The following SPAG16 variants were observed in gnomAD, a reference collection of about 807,000 sequenced individuals.
The protein encoded by SPAG16 is sperm-associated antigen 16 protein.
SPAG16 carries 86 observed loss-of-function variants against 80.4 expected under a neutral mutation model. The ratio of observed to expected loss-of-function variants is 1.07; its 90% CI spans 0.90 to 1.28. The LOEUF is 1.28. Ranked by LOEUF, SPAG16 falls within the 50% of genes most tolerant of loss-of-function variation. SPAG16 has a pLI of 0.00. For synonymous variants in SPAG16, 294 were observed against 265.9 expected, an observed-to-expected ratio of 1.11 and a Z score of -1.03; for missense variants, 870 against 765.3, an observed-to-expected ratio of 1.14 and a Z score of -1.61.
At chr2:213,618,768 CA>C (rs1428704633) in intron 10 of SPAG16, among the ~76,000 whole-genome samples, 14 of 151,362 alleles carry the variant, frequency 9.2e-5, no homozygotes, top group African/African-American at 3.4e-4. Context: ...GGAAAAGTCA[CA>C]AGGTGGATTA....
chr2:214,356,871 C>A (rs948684047), intron 15 of SPAG16, among the ~76,000 whole-genome samples: 2 of 151,858 alleles, frequency 1.3e-5, no homozygotes, highest in African/African-American at 4.8e-5. Context: ...AAGTTTTCTT[C>A]TTCTATCTCA....
chr2:214,389,913 A>C (rs1006659788), intron 15 of SPAG16, among the ~76,000 whole-genome samples: 1 of 152,156 alleles, frequency 6.6e-6, no homozygotes, highest in Non-Finnish European at 1.5e-5. Context: ...CCTATGTAAA[A>C]CGTTGAAGTG....
At chr2:213,662,765 A>G (rs1441944313) in intron 10 of SPAG16, among the ~76,000 whole-genome samples, 1 of 152,132 alleles carries the variant, frequency 6.6e-6, no homozygotes, top group East Asian at 1.9e-4. Flanking sequence ...AGTTAACAAA[A>G]TATAATAAAT....
chr2:214,026,975 A>T (rs1292677526), intron 13 of SPAG16, among the ~76,000 whole-genome samples: 2 of 151,524 alleles, frequency 1.3e-5, no homozygotes, highest in African/African-American at 4.8e-5. Flanking sequence ...AATCTTGTAT[A>T]TCTTTTGACT....
At chr2:213,459,075 T>C (rs2072207997) in intron 9 of SPAG16, among the ~76,000 whole-genome samples, 1 of 152,178 alleles carries the variant, frequency 6.6e-6, no homozygotes, top group Non-Finnish European at 1.5e-5. Flanking sequence ...CTCCCCTTTT[T>C]TTACTTTGTA....
In SPAG16 at chr2:214,390,340, T is replaced by A. The variant is rs1204548029; in HGVS notation, c.1721-19800T>A. On this transcript the variant is annotated intron_variant, in intron 15 of 15. Transcript: ENST00000331683. Reference sequence around the variant, plus strand: ...TAAATGAATGGGTATGCTTTTTTTTTTAAAAAAAAAAAAAAAAAAGTCCTT... The same window carrying A: ...TAAATGAATGGGTATGCTTTTTTTTATAAAAAAAAAAAAAAAAAAGTCCTT... Among the ~76,000 whole-genome samples the A allele has an allele frequency of 3.1e-5, 4 of 129,738 alleles. No homozygotes were observed. The East Asian group carries it at 6.0e-4, about 19-fold the overall frequency. 85.1% of individuals were successfully genotyped at this position (129,738 alleles called of 152,430 possible). A position where few individuals can be genotyped will look rare whatever the true frequency, so the allele number is the denominator to read the frequency against.
chr2:213,539,257 G>A (rs1020408285), intron 10 of SPAG16, among the ~76,000 whole-genome samples: 2 of 152,088 alleles, frequency 1.3e-5, no homozygotes, highest in African/African-American at 2.4e-5. Context: ...TAATAGCAGC[G>A]ATGAGTAGTT....
At chr2:213,821,638 T>C (rs1351078759) in intron 10 of SPAG16, among the ~76,000 whole-genome samples, 1 of 152,184 alleles carries the variant, frequency 6.6e-6, no homozygotes, top group Non-Finnish European at 1.5e-5. Flanking sequence ...TGTTATCAAA[T>C]ATGAAATCCT....
intron 10 of SPAG16, among the ~76,000 whole-genome samples, chr2:213,632,705 T>G (rs1193923298): frequency 6.6e-6 from 1 of 151,932 alleles, no homozygotes; most frequent in Admixed American, 6.6e-5. Flanking sequence ...ATCAAATACT[T>G]TTACAGCATC....
chr2:213,829,771 G>C (rs996496628), intron 10 of SPAG16, among the ~76,000 whole-genome samples: 19 of 152,014 alleles, frequency 1.2e-4, no homozygotes, highest in African/African-American at 4.6e-4. Context: ...TTCCCTTCTG[G>C]CCCAAGATGT....
In SPAG16 at chr2:213,777,047, G is replaced by A. The variant is rs2069633194; in HGVS notation, c.1071-85438G>A. 2.0e-5 allele frequency among the ~76,000 whole-genome samples: 3 copies of A among 151,806 alleles called. No individual in the cohort carries two copies. The South Asian group carries it at 6.2e-4, about 31-fold the overall frequency. On this transcript the variant is annotated intron_variant, in intron 10 of 15. Transcript: ENST00000331683. ...GTACATTAACCGTAGTTATTAAAAT[G>A]TCATAGGTTTCTTTGTTACTTCACA...
chr2:213,294,331 G>A (rs528930538), intron 1 of SPAG16, among the ~76,000 whole-genome samples: 4 of 152,224 alleles, frequency 2.6e-5, no homozygotes, highest in African/African-American at 9.6e-5. Context: ...AAAATACCTC[G>A]AACAGATTGC....
At chr2:214,088,306 T>C (rs1438527003) in intron 13 of SPAG16, among the ~76,000 whole-genome samples, 1 of 151,482 alleles carries the variant, frequency 6.6e-6, no homozygotes, top group Non-Finnish European at 1.5e-5. Flanking sequence ...ACCATACCTA[T>C]TCCCAATCTT....
rs1279067232 is a variant in SPAG16 at position 214,174,815 on chromosome 2, C to T, written c.1720+25549C>T. On this transcript the variant is annotated intron_variant, in intron 15 of 15. Transcript: ENST00000331683. ...AGGAAAAGATAGGGAAAGCTTTCTT[C>T]ATCACTTTTGCACGAATCTAAAATA... 2.6e-5 allele frequency among the ~76,000 whole-genome samples: 4 copies of T among 151,778 alleles called. No homozygotes were observed. The South Asian group carries it at 8.3e-4, about 31-fold the overall frequency.
chr2:213,802,346 A>T (rs1444322933), intron 10 of SPAG16, among the ~76,000 whole-genome samples: 2 of 152,264 alleles, frequency 1.3e-5, no homozygotes, highest in Non-Finnish European at 2.9e-5. Context: ...TCTGATTAAC[A>T]GAATATCTGA....
chr2:213,671,137 T>C (rs750470090), intron 10 of SPAG16, among the ~76,000 whole-genome samples: 3 of 152,240 alleles, frequency 2.0e-5, no homozygotes, highest in Non-Finnish European at 4.4e-5. Flanking sequence ...TTGATAATTG[T>C]GTACTCATTT....
intron 10 of SPAG16, among the ~76,000 whole-genome samples, chr2:213,768,403 T>C (rs1352326817): frequency 6.6e-6 from 1 of 152,200 alleles, no homozygotes; most frequent in Admixed American, 6.5e-5. Flanking sequence ...ACAGAAAAGT[T>C]ACTCTGAAAG....
chr2:213,674,243 T>A (rs1470672179), intron 10 of SPAG16, among the ~76,000 whole-genome samples: 1 of 152,156 alleles, frequency 6.6e-6, no homozygotes, highest in African/African-American at 2.4e-5. Context: ...AGTTTGTAAT[T>A]TCATCCAGTT....
At chr2:213,564,950 A>G (rs868797322) in intron 10 of SPAG16, among the ~76,000 whole-genome samples, 2 of 152,358 alleles carry the variant, frequency 1.3e-5, no homozygotes, top group Middle Eastern at 3.4e-3. Context: ...TGAAAATATT[A>G]TAATCACAAA....
Sources: allele counts gnomAD v4.1 joint callset (sites outside exome capture counted in the v4.1 genomes callset), GRCh38; gene constraint gnomAD v4.1.1; transcripts MANE v1.5; gene names NCBI Gene and HGNC (gene_info 2026-07-23, HGNC 2026-07-21).